Variants in MPHOSPH9 observed in about 807,000 individuals in gnomAD.
MPHOSPH9 encodes M-phase phosphoprotein 9.
A neutral mutation model predicts 145.5 loss-of-function variants in MPHOSPH9; 88 were observed. The observed-to-expected ratio is 0.60, with a 90% CI of 0.51 to 0.72. The LOEUF (loss-of-function observed/expected upper bound fraction) is 0.72. MPHOSPH9 is among the 30% of genes least tolerant of loss of function. The pLI, the probability that MPHOSPH9 is intolerant of heterozygous loss-of-function variation, is 0.00. For missense variants in MPHOSPH9, 1,238 were observed against 1,386.6 expected, an observed-to-expected ratio of 0.89 and a Z score of 1.70; for synonymous variants, 435 against 486.2, an observed-to-expected ratio of 0.89 and a Z score of 1.39.
chr12:123,238,029 G>A (rs762922604), upstream of MPHOSPH9, among the ~76,000 whole-genome samples: 8 of 151,696 alleles, frequency 5.3e-5, no homozygotes, highest in Non-Finnish European at 1.0e-4. Context: ...CCGAGTAGCC[G>A]GGACTACAGG....
At chr12:123,190,637 G>A (rs1465324745) in intron 13 of MPHOSPH9, among the ~76,000 whole-genome samples, 1 of 152,148 alleles carries the variant, frequency 6.6e-6, no homozygotes, top group African/African-American at 2.4e-5. Context: ...GTTGCAGCAG[G>A]ATATATGCAA....
intron 17 of MPHOSPH9, 59 bp downstream of exon 17, chr12:123,166,596 T>C (rs112670953): frequency 1.3e-5 from 21 of 1,578,474 alleles, no homozygotes; most frequent in Middle Eastern, 1.7e-4. Context: ...TTAAAAGCAA[T>C]TGAAATCTCT....
Position 123,162,117 on chromosome 12 carries a change from T to C in MPHOSPH9, c.3131A>G (p.Glu1044Gly). 6.5e-7 allele frequency: 1 copy of C among 1,549,586 alleles called. No individual in the cohort carries two copies. Among genetic ancestry groups the C allele is most frequent in the Non-Finnish European group, 8.8e-7 (1 of 1,139,866 alleles). The change falls in exon 21 of 24, where the codon GAA becomes GGA. Residue 1044 changes from glutamate to glycine, a missense_variant and splice_region_variant. Physicochemically the swap from Glu to Gly is moderately conservative, Grantham distance 98 (BLOSUM62 -2). This residue lies in a region of MPHOSPH9 where 393 missense variants were observed against 462.5 expected (regional missense o/e 0.85). Transcript: ENST00000606320. ...QLQFLPLDDSEEKTYSEKATD... is the reference protein window; with the variant it reads ...QLQFLPLDDSGEKTYSEKATD... ...TAATATTTTTTAGGAAAAGATACCT[T>C]CCGAGTCATCTAGAGGAAGAAACTG... is the stretch of plus-strand genomic sequence containing the variant.
intron 18 of MPHOSPH9, among the ~76,000 whole-genome samples, chr12:123,164,939 A>G (rs1617434): frequency 0.79 from 118,100 of 149,878 alleles, 46,626 homozygotes; most frequent in East Asian, 0.97. Flanking sequence ...AACCCTGGAG[A>G]TGGAGTTTGC....
chr12:123,225,493 G>T (rs2138643435), intron 3 of MPHOSPH9, among the ~76,000 whole-genome samples: 1 of 111,304 alleles, frequency 9.0e-6, no homozygotes, highest in Non-Finnish European at 1.7e-5. Flanking sequence ...TGAAAGAGGA[G>T]AAAAAGAAAC....
chr12:123,184,351 CT>C (rs2045338913), intron 13 of MPHOSPH9, among the ~76,000 whole-genome samples: 1 of 152,090 alleles, frequency 6.6e-6, no homozygotes, highest in African/African-American at 2.4e-5. Context: ...AAAAAACCTT[CT>C]AAACATTCAC....
chr12:123,230,688 A>C (rs2047604529), intron 1 of MPHOSPH9, among the ~76,000 whole-genome samples, 166 bp from the exon 2 acceptor site: 2 of 152,220 alleles, frequency 1.3e-5, no homozygotes, highest in East Asian at 3.8e-4. Context: ...ATGTCCATCA[A>C]TGGATAAATG....
chr12:123,185,320 T>A, intron 13 of MPHOSPH9, among the ~76,000 whole-genome samples: 1 of 150,708 alleles, frequency 6.6e-6, no homozygotes. Context: ...AAAAGAGTTG[T>A]TAGAAACTAA....
upstream of MPHOSPH9, among the ~76,000 whole-genome samples, chr12:123,234,159 C>T (rs548876152): frequency 1.3e-5 from 2 of 152,276 alleles, no homozygotes; most frequent in Admixed American, 1.3e-4. Context: ...CCATTTCATG[C>T]GCACTGTGCA....
intron 16 of MPHOSPH9, among the ~76,000 whole-genome samples, chr12:123,170,880 G>C (rs2044547433): frequency 6.6e-6 from 1 of 152,164 alleles, no homozygotes. Context: ...ATTACTTTGA[G>C]AGTTCCTGTC....
Position 123,181,840 on chromosome 12 carries a change from G to A in MPHOSPH9, c.2242-630C>T, listed in dbSNP as rs1208493582. On this transcript the variant is annotated intron_variant, in intron 13 of 23. Coordinates refer to ENST00000606320, the MANE Select transcript of MPHOSPH9 (RefSeq NM_022782.4). Reference sequence around the variant, plus strand: ...TTGTAGTGAGGCTTGCAGTGAGATTGCACCACTGCACTCTAGCCTGGGCCA... The same window carrying A: ...TTGTAGTGAGGCTTGCAGTGAGATTACACCACTGCACTCTAGCCTGGGCCA... Among the ~76,000 whole-genome samples the A allele has an allele frequency of 3.3e-5, 5 of 151,860 alleles. No individual in the cohort carries two copies. The East Asian group carries it at 9.7e-4, about 29-fold the overall frequency.
intron 13 of MPHOSPH9, among the ~76,000 whole-genome samples, chr12:123,184,681 G>T (rs1359657519): frequency 2.0e-5 from 3 of 151,920 alleles, no homozygotes; most frequent in Non-Finnish European, 1.5e-5. Context: ...TGTATTTTTA[G>T]TAGAGACGGG....
chr12:123,175,929 C>T (rs969738002), intron 16 of MPHOSPH9, among the ~76,000 whole-genome samples: 2 of 151,658 alleles, frequency 1.3e-5, no homozygotes, highest in African/African-American at 4.9e-5. Flanking sequence ...GATGGGCTCT[C>T]GCCATGTTGC....
intron 13 of MPHOSPH9, among the ~76,000 whole-genome samples, chr12:123,192,292 A>G (rs2045712203): frequency 6.6e-6 from 1 of 151,702 alleles, no homozygotes; most frequent in Admixed American, 6.6e-5. Context: ...TGTCTCTACC[A>G]ATGATACAAA....
intron 20 of MPHOSPH9, chr12:123,162,535 T>C (rs997617129): frequency 1.6e-5 from 3 of 188,406 alleles, no homozygotes; most frequent in Admixed American, 6.1e-5. Context: ...GCTTAACTCA[T>C]CTCCGCAAGA....
In MPHOSPH9 at chr12:123,206,279, T is replaced by C. The variant is rs1278119923; in HGVS notation, c.1195-2904A>G. 2.1e-5 allele frequency among the ~76,000 whole-genome samples: 3 copies of C among 140,514 alleles called. No individual in the cohort carries two copies. The East Asian group carries it at 6.5e-4, about 30-fold the overall frequency. The allele number at this position is 140,514 out of a possible 152,430, so 92.2% of individuals were successfully genotyped here. Reference sequence around the variant, plus strand: ...CAGCTTGGGCAACATAGAGAGACCTTGCCTCTACTAAAAACAAACAAACAA... The same window carrying C: ...CAGCTTGGGCAACATAGAGAGACCTCGCCTCTACTAAAAACAAACAAACAA... On this transcript the variant is annotated intron_variant, in intron 8 of 23. Transcript: ENST00000606320.
intron 1 of MPHOSPH9, among the ~76,000 whole-genome samples, chr12:123,232,383 A>T (rs1716169): frequency 0.81 from 123,119 of 151,426 alleles, 50,235 homozygotes; most frequent in East Asian, 0.99. Context: ...GCAAAAAAAA[A>T]TTTTTTTAAC....
Position 123,194,420 on chromosome 12 carries a change from G to A in MPHOSPH9, c.2207C>T (p.Ala736Val). ...NAYKLSDDKE[A>V]QLKQENKMFQ... Reference sequence around the variant, plus strand: ...CATTTTGTTCTCTTGTTTTAGTTGAGCTTCTTTATCATCTGAGAGTTTGTA... The same window carrying A: ...CATTTTGTTCTCTTGTTTTAGTTGAACTTCTTTATCATCTGAGAGTTTGTA... The change falls in exon 13 of 24, where the codon GCT becomes GTT. Residue 736 changes from alanine (A) to valine (V), a missense_variant. By Grantham distance (64) the Ala-to-Val change is moderately conservative. Transcript: ENST00000606320. 6.2e-7 allele frequency: 1 copy of A among 1,602,754 alleles called. No individual in the cohort carries two copies. Among genetic ancestry groups the A allele is most frequent in the Non-Finnish European group, 8.5e-7 (1 of 1,175,864 alleles).
intron 8 of MPHOSPH9, among the ~76,000 whole-genome samples, chr12:123,208,871 T>C (rs2046568274): frequency 6.6e-6 from 1 of 151,968 alleles, no homozygotes; most frequent in African/African-American, 2.4e-5. Flanking sequence ...AGGTGTAAAC[T>C]ATGATGCCCA....
Sources: gnomAD v4.1 joint callset for allele counts (sites outside exome capture counted in the v4.1 genomes callset) on GRCh38, gnomAD v4.1.1 for gene constraint, gnomAD v4.1.1 regional missense constraint, MANE v1.5 for transcripts, NCBI Gene and HGNC (gene_info 2026-07-23, HGNC 2026-07-21) for gene names.